The following MAGOHB variants were observed in gnomAD, a reference collection of about 807,000 sequenced individuals.
The protein encoded by MAGOHB is mago homolog B, exon junction complex subunit.
Under a neutral mutation model 20.9 loss-of-function variants are expected in MAGOHB, and 15 were observed. The ratio of observed to expected loss-of-function variants is 0.72; its 90% CI spans 0.48 to 1.11. The LOEUF is 1.11. MAGOHB is among the 50% of genes least tolerant of loss of function. The pLI is 0.00. For synonymous variants in MAGOHB, 50 were observed against 57.9 expected (o/e 0.86, Z 0.62); for missense variants, 162 against 177.6 (o/e 0.91, Z 0.50).
downstream of MAGOHB, among the ~76,000 whole-genome samples, chr12:10,603,814 C>G (rs1042048710): frequency 8.3e-4 from 127 of 152,274 alleles, 1 homozygote; most frequent in African/African-American, 3.0e-3. Context: ...TTCTATTCGA[C>G]TTCATTATCC....
chr12:10,613,021 A>C, intron 1 of MAGOHB: 1 of 1,114,466 alleles, frequency 9.0e-7, no homozygotes, highest in Non-Finnish European at 1.2e-6. Flanking sequence ...ACATATTATT[A>C]TTCTCATTTG....
rs910534944 is a variant in MAGOHB at position 10,605,037 on chromosome 12, A to G, written c.*1238T>C. On this transcript the variant is annotated 3_prime_UTR_variant, in exon 5 of 5. Coordinates refer to ENST00000320756, the MANE Select transcript of MAGOHB (RefSeq NM_018048.5). ...ATTATAATAGAGATATTACAGTAAA[A>G]AAGATGTTAAGTATAGAATCTAGGT... The G allele has an allele frequency of 5.3e-5, 8 of 152,252 alleles. No homozygotes were observed. The highest frequency in any genetic ancestry group is 1.9e-4 in the African/African-American group (8 of 41,472). The allele number at this position is 152,252 out of a possible 1,614,324, so 9.4% of individuals were successfully genotyped here.
intron 1 of MAGOHB, among the ~76,000 whole-genome samples, chr12:10,611,744 T>C (rs1865742553): frequency 3.2e-5 from 1 of 31,396 alleles, no homozygotes; most frequent in African/African-American, 1.1e-4. Context: ...CAAGACTCTG[T>C]CTCAAAAAAA....
At chr12:10,602,455 T>C (rs1194029046), downstream of MAGOHB, among the ~76,000 whole-genome samples, 1 of 152,168 alleles carries the variant, frequency 6.6e-6, no homozygotes, top group Admixed American at 6.5e-5. Flanking sequence ...ATTTCTCCTT[T>C]AAAGGAAAAC....
In MAGOHB at chr12:10,606,320, TA is replaced by T; in HGVS notation, c.401del (p.Leu134Ter). The T allele has an allele frequency of 6.3e-7, 1 of 1,579,902 alleles. No individual in the cohort carries two copies. Among genetic ancestry groups the T allele is most frequent in the South Asian group, 1.2e-5 (1 of 86,764 alleles). ...FYYLVQDLKC[L>X]VFSLIGLHFK... ...AGTGTAATCCAATAAGACTGAAAAC[TA>T]AACATTTCAAGTCTTGTACCAAATA... On this transcript the variant is annotated frameshift_variant, in exon 5 of 5. Coordinates refer to ENST00000320756, the MANE Select transcript of MAGOHB (RefSeq NM_018048.5). LOFTEE classifies it high-confidence loss of function.
rs997320083 is a variant in MAGOHB at position 10,606,085 on chromosome 12, T to C, written c.*190A>G. 10 of 415,554 alleles carry C rather than the reference T, an allele frequency of 2.4e-5. No individual in the cohort carries two copies. Among genetic ancestry groups the C allele is most frequent in the Admixed American group, 4.5e-5 (1 of 22,112 alleles). The allele number at this position is 415,554 out of a possible 1,614,324, so 25.7% of individuals were successfully genotyped here. On this transcript the variant is annotated 3_prime_UTR_variant, in exon 5 of 5. Transcript: ENST00000320756. ...TTTCATTTACAGAATTTAATGTGTG[T>C]GGGGACTGTCCAACCCATATGGACT...
rs1438732452 is a variant in MAGOHB, at chr12:10,613,454, C to T, written c.79G>A (p.Glu27Lys). 6.2e-7 allele frequency: 1 copy of T among 1,614,150 alleles called. No individual in the cohort carries two copies. The change falls in exon 1 of 5, where the codon GAA becomes AAA. Residue 27 changes from glutamate to lysine, a missense_variant. Transcript: ENST00000320756. ...CTCTTCTCACCGTCCGGCCGAAATT[C>T]GAACTCCAGAAACTCGTGCCCAAAC... ...GKFGHEFLEF[E>K]FRPDGKLRYA...
chr12:10,609,999 G>C, intron 2 of MAGOHB, 58 bp from the exon 3 acceptor site: 2 of 927,260 alleles, frequency 2.2e-6, no homozygotes, highest in South Asian at 3.5e-5. Context: ...CCTCAACTCA[G>C]AAAGAAATGA....
chr12:10,603,187 G>C (rs12817393), downstream of MAGOHB, among the ~76,000 whole-genome samples: 1 of 151,942 alleles, frequency 6.6e-6, no homozygotes, highest in African/African-American at 2.4e-5. Flanking sequence ...GGTGGCGGGC[G>C]CCTGTAGTCC....
intron 1 of MAGOHB, 31 bp downstream of exon 1, chr12:10,613,408 C>T (rs1214914535): frequency 1.2e-6 from 2 of 1,603,178 alleles, no homozygotes; most frequent in Non-Finnish European, 1.7e-6. Flanking sequence ...CTCCCCTTTC[C>T]CAGCACCGCG....
intron 3 of MAGOHB, chr12:10,608,200 TG>T (rs2120516611): frequency 3.7e-6 from 1 of 267,794 alleles, no homozygotes; most frequent in South Asian, 1.2e-4. Flanking sequence ...TGAAACAAAA[TG>T]ACAAAGAAAT....
intron 2 of MAGOHB, 27 bp downstream of exon 2, chr12:10,610,595 A>T: frequency 2.2e-6 from 3 of 1,357,044 alleles, no homozygotes; most frequent in Non-Finnish European, 1.9e-6. Flanking sequence ...AAAAAAAAAA[A>T]AAAAAAGACA....
chr12:10,602,441 G>C (rs1865562596), downstream of MAGOHB, among the ~76,000 whole-genome samples: 1 of 152,138 alleles, frequency 6.6e-6, no homozygotes, highest in Non-Finnish European at 1.5e-5. Flanking sequence ...GCTGGAAAAG[G>C]CAAATTTCTC....
At chr12:10,601,934 T>C (rs1046888741), downstream of MAGOHB, among the ~76,000 whole-genome samples, 16 of 152,236 alleles carry the variant, frequency 1.1e-4, no homozygotes, top group Non-Finnish European at 2.4e-4. Flanking sequence ...AGGACTGCAG[T>C]GCAGAAATCC....
Position 10,606,112 on chromosome 12 carries a change from A to T in MAGOHB, c.*163T>A. The T allele has an allele frequency of 2.0e-6, 1 of 489,960 alleles. No individual in the cohort carries two copies. The highest frequency in any genetic ancestry group is 3.7e-6 in the Non-Finnish European group (1 of 273,734). The allele number at this position is 489,960 out of a possible 1,614,324, so 30.4% of individuals were successfully genotyped here. ...GGGACTGTCCAACCCATATGGACTC[A>T]AGTAAGGATAACCATTAAGCTTGCT... is the stretch of plus-strand genomic sequence containing the variant. On this transcript the variant is annotated 3_prime_UTR_variant, in exon 5 of 5. Transcript: ENST00000320756.
intron 3 of MAGOHB, chr12:10,609,401 G>A (rs1246633443): frequency 4.5e-6 from 2 of 443,746 alleles, no homozygotes; most frequent in East Asian, 1.4e-4. Flanking sequence ...AATATGAGAG[G>A]GAAATGCAAT....
chr12:10,608,119 T>G, intron 3 of MAGOHB, 183 bp from the exon 4 acceptor site: 1 of 470,168 alleles, frequency 2.1e-6, no homozygotes, highest in East Asian at 3.7e-5. Flanking sequence ...AAATAAAGAC[T>G]GCTCACGCGC....
chr12:10,600,588 TG>T (rs1447725627), downstream of MAGOHB, among the ~76,000 whole-genome samples: 4 of 152,200 alleles, frequency 2.6e-5, no homozygotes, highest in African/African-American at 7.2e-5. Flanking sequence ...TTTCTCTACT[TG>T]AGTTTTCCCA....
chr12:10,608,094 T>C, intron 3 of MAGOHB, 158 bp from the exon 4 acceptor site: 1 of 543,218 alleles, frequency 1.8e-6, no homozygotes, highest in Non-Finnish European at 3.2e-6. Flanking sequence ...TTCTTAGATA[T>C]AAACTATATC....
Sources: allele counts gnomAD v4.1 joint callset (sites outside exome capture counted in the v4.1 genomes callset), GRCh38; gene constraint gnomAD v4.1.1; transcripts MANE v1.5; gene names NCBI Gene and HGNC (gene_info 2026-07-23, HGNC 2026-07-21).